The following SPTA1 variants were observed in gnomAD, a reference collection of about 807,000 sequenced individuals.
SPTA1 encodes the protein spectrin alpha chain, erythrocytic 1.
Under a neutral mutation model 324.7 loss-of-function variants are expected in SPTA1, and 177 were observed. That is an observed-to-expected ratio of 0.55 (90% confidence interval 0.48 to 0.62). The LOEUF (loss-of-function observed/expected upper bound fraction) is 0.62, where lower values mean the gene tolerates loss of function less well. Among genes scored for constraint, SPTA1 ranks in the 20% least tolerant of loss-of-function variants. The pLI, the probability that SPTA1 is intolerant of heterozygous loss-of-function variation, is 0.00. For synonymous variants in SPTA1, 1,195 were observed against 1,041.3 expected, an observed-to-expected ratio of 1.15 and a Z score of -2.84; for missense variants, 3,162 against 2,883.6, an observed-to-expected ratio of 1.10 and a Z score of -2.21.
In SPTA1 at chr1:158,615,323, C is replaced by CAG; in HGVS notation, c.6679_6680dup (p.Ile2228Ter). On this transcript the variant is annotated frameshift_variant, in exon 48 of 52. Transcript: ENST00000643759. LOFTEE classifies it high-confidence loss of function. Reference sequence around the variant, plus strand: ...TGGTGCTGTATTTGATATCAAGGATCAGAGCGTCTTCCAAGTTGTCCCCCA... The same window carrying CAG: ...TGGTGCTGTATTTGATATCAAGGATCAGAGAGCGTCTTCCAAGTTGTCCCCCA... The CAG allele has an allele frequency of 6.2e-7, 1 of 1,614,132 alleles. No homozygotes were observed. The highest frequency in any genetic ancestry group is 8.5e-7 in the Non-Finnish European group (1 of 1,180,038).
At chr1:158,612,384 C>A in intron 51 of SPTA1, 2 of 215,020 alleles carry the variant, frequency 9.3e-6, no homozygotes, top group Non-Finnish European at 1.9e-5. Flanking sequence ...AATAAAATTC[C>A]CCACATCTTT....
chr1:158,638,052 C>G lies in SPTA1; in HGVS notation c.5170G>C (p.Asp1724His). 6.2e-7 allele frequency: 1 copy of G among 1,613,818 alleles called. No homozygotes were observed. The highest frequency in any genetic ancestry group is 8.5e-7 in the Non-Finnish European group (1 of 1,179,820). The change falls in exon 36 of 52, where the codon GAT (aspartate) becomes CAT (histidine). Residue 1724 changes from aspartate (D) to histidine (H), a missense_variant. Physicochemically the swap from Asp to His is moderately conservative, Grantham distance 81 (BLOSUM62 -1). Coordinates refer to ENST00000643759, the MANE Select transcript of SPTA1 (RefSeq NM_003126.4). ...ACATACTCTATCCAGGATTCCTCAT[C>G]ATCTAGATCCTGGAAGAACTGGAAC... ...ALFQFFQDLD[D>H]EESWIEEKLI...
At chr1:158,677,949 T>C in intron 6 of SPTA1, 115 bp from the exon 7 acceptor site, 1 of 1,283,176 alleles carries the variant, frequency 7.8e-7, no homozygotes, top group Non-Finnish European at 1.1e-6. Flanking sequence ...AATTATCCTT[T>C]CTTCCTACAT....
chr1:158,679,547 G>A (rs116545710), intron 5 of SPTA1, among the ~76,000 whole-genome samples: 2,900 of 152,130 alleles, frequency 0.019, 89 homozygotes, highest in African/African-American at 0.065. Flanking sequence ...ACTGCATGAT[G>A]AGAGGTCACC....
At chr1:158,640,229 G>C (rs561156081) in intron 33 of SPTA1, among the ~76,000 whole-genome samples, 1 of 152,320 alleles carries the variant, frequency 6.6e-6, no homozygotes, top group South Asian at 2.1e-4. Flanking sequence ...TGAGTAAAGA[G>C]ACTGACATAC....
Position 158,644,265 on chromosome 1 carries a change from T to A in SPTA1, c.4326A>T (p.Ala1442=). ...LMKKRDDLDK[A]ITAQEGKITD... ...TAGTCATTATTACCTGGGCAGTGAT[T>A]GCTTTGTCCAAATCGTCCCGTTTCT... The change falls in exon 30 of 52, where the codon GCA becomes GCT. Residue 1442 remains alanine, a synonymous_variant. Transcript: ENST00000643759. The A allele has an allele frequency of 1.2e-6, 2 of 1,613,940 alleles. No individual in the cohort carries two copies. Among genetic ancestry groups the A allele is most frequent in the Non-Finnish European group, 1.7e-6 (2 of 1,179,892 alleles).
In SPTA1 at chr1:158,645,208, C is replaced by G. The variant is rs370799608; in HGVS notation, c.4174G>C (p.Asp1392His). The change falls in exon 29 of 52, where the codon GAC (aspartate) becomes CAC (histidine). Residue 1392 changes from aspartate (D) to histidine (H), a missense_variant. Coordinates refer to ENST00000643759, the MANE Select transcript of SPTA1 (RefSeq NM_003126.4). ...TGTACCTGCAACTCCAGGCACTGGT[C>G]TAGGATCTTCTTGCGTTTTTCCCAA... ...KAWEKRKKILDQCLELQMFQG... is the reference protein window; with the variant it reads ...KAWEKRKKILHQCLELQMFQG... 23 of 1,613,738 alleles carry G rather than the reference C, an allele frequency of 1.4e-5. No homozygotes were observed. Among genetic ancestry groups the G allele is most frequent in the Non-Finnish European group, 1.9e-5 (23 of 1,179,832 alleles).
rs1407011909 is a variant in SPTA1, at chr1:158,639,579, T to C, written c.4980+3A>G. The C allele has an allele frequency of 6.2e-7, 1 of 1,613,502 alleles. No individual in the cohort carries two copies. Among genetic ancestry groups the C allele is most frequent in the Admixed American group, 1.7e-5 (1 of 59,956 alleles). On this transcript the variant is annotated splice_donor_region_variant and intron_variant, in intron 35 of 51. Coordinates refer to ENST00000643759, the MANE Select transcript of SPTA1 (RefSeq NM_003126.4). The stretch of plus-strand genomic sequence containing the variant: ...AGAGGAGAGGGATGCCAACACTACT[T>C]ACCTCTCGAGCCAACATCTCTCTCT...
chr1:158,649,093 G>T (rs1026510723), intron 25 of SPTA1, among the ~76,000 whole-genome samples: 4 of 152,092 alleles, frequency 2.6e-5, no homozygotes, highest in Admixed American at 2.6e-4. Flanking sequence ...ACACAATGAA[G>T]GTGTTTAGTT....
intron 39 of SPTA1, among the ~76,000 whole-genome samples, chr1:158,629,212 TC>T (rs1650514480): frequency 6.6e-6 from 1 of 151,628 alleles, no homozygotes; most frequent in Non-Finnish European, 1.5e-5. Flanking sequence ...TATCTATCTA[TC>T]TATCTATCTA....
chr1:158,650,297 G>A (rs970569047), intron 24 of SPTA1, among the ~76,000 whole-genome samples: 2 of 152,154 alleles, frequency 1.3e-5, no homozygotes, highest in Admixed American at 1.3e-4. Flanking sequence ...AAACAATTCT[G>A]TATTCTGAAT....
intron 45 of SPTA1, 34 bp from the exon 46 acceptor site, chr1:158,618,090 A>G (rs778997479): frequency 1.4e-5 from 23 of 1,601,440 alleles, no homozygotes; most frequent in Non-Finnish European, 2.0e-5. Flanking sequence ...GAATCACATG[A>G]GAGAAAAGGG....
Position 158,677,807 on chromosome 1 carries a change from G to C in SPTA1, c.840C>G (p.Ile280Met). The change falls in exon 7 of 52, where the codon ATC (isoleucine) becomes ATG (methionine). Residue 280 changes from isoleucine to methionine, a missense_variant. By Grantham distance (10) the Ile-to-Met change is conservative (BLOSUM62 1). Transcript: ENST00000643759. ...KRDVTEAIQW[I>M]KEKEPVLTSE... is the part of the protein sequence containing the mutation. Reference sequence around the variant, plus strand: ...AGGTGAGTACAGGTTCCTTCTCCTTGATCCACTGGATGGCTTCAGTCACAT... The same window carrying C: ...AGGTGAGTACAGGTTCCTTCTCCTTCATCCACTGGATGGCTTCAGTCACAT... 1 of 1,613,568 alleles carries C rather than the reference G, an allele frequency of 6.2e-7. No homozygotes were observed. The highest frequency in any genetic ancestry group is 8.5e-7 in the Non-Finnish European group (1 of 1,179,692).
chr1:158,684,737 A>T (rs1426875647), intron 2 of SPTA1, among the ~76,000 whole-genome samples: 1 of 152,160 alleles, frequency 6.6e-6, no homozygotes, highest in Non-Finnish European at 1.5e-5. Flanking sequence ...ATGCTTCACC[A>T]TGAAAATATG....
At chr1:158,656,059 C>T (rs1352925636) in intron 20 of SPTA1, among the ~76,000 whole-genome samples, 2 of 152,174 alleles carry the variant, frequency 1.3e-5, no homozygotes, top group Non-Finnish European at 2.9e-5. Context: ...CAAGAGAACA[C>T]AAGAGGCCTT....
chr1:158,656,477 G>A (rs1213085103), intron 20 of SPTA1, 87 bp downstream of exon 20: 2 of 1,256,654 alleles, frequency 1.6e-6, no homozygotes, highest in East Asian at 4.6e-5. Flanking sequence ...TTTTGGGGTT[G>A]TAGAAAGTAA....
intron 14 of SPTA1, 96 bp from the exon 15 acceptor site, chr1:158,668,158 C>T (rs536384460): frequency 3.3e-5 from 44 of 1,321,264 alleles, no homozygotes; most frequent in African/African-American, 1.6e-4. Context: ...ATAAATCTAA[C>T]GAACGATGCT....
At chr1:158,636,797 T>C in intron 36 of SPTA1, 36 bp from the exon 37 acceptor site, 1 of 1,613,032 alleles carries the variant, frequency 6.2e-7, no homozygotes, top group South Asian at 1.1e-5. Flanking sequence ...GTTTGGAGTC[T>C]AGACATCTAA....
Position 158,623,038 on chromosome 1 carries a change from T to G in SPTA1, c.6065A>C (p.Glu2022Ala), listed in dbSNP as rs1013665065. The stretch of plus-strand genomic sequence containing the variant: ...TTTCTGTCTGTGGACTGCCGAGGCT[T>G]CCAGCAACTGTTCCCAGCGCTTCAG... ...ALLKRWEQLL[E>A]ASAVHRQKLL... Residue 2022 changes from glutamate to alanine, a missense_variant, in exon 43 of 52, where the codon GAA becomes GCA. Physicochemically the swap from Glu to Ala is moderately radical, Grantham distance 107. Transcript: ENST00000643759. The G allele has an allele frequency of 9.9e-6, 16 of 1,614,084 alleles. No individual in the cohort carries two copies. Among genetic ancestry groups the G allele is most frequent in the Non-Finnish European group, 1.3e-5 (15 of 1,180,038 alleles).
Sources: gnomAD v4.1 joint callset for allele counts (sites outside exome capture counted in the v4.1 genomes callset) on GRCh38, gnomAD v4.1.1 for gene constraint, MANE v1.5 for transcripts, NCBI Gene and HGNC (gene_info 2026-07-23, HGNC 2026-07-21) for gene names.